Variants in ARIH1 observed in about 807,000 individuals in gnomAD.
ARIH1 encodes E3 ubiquitin-protein ligase ARIH1.
In ARIH1, 8 loss-of-function variants were observed where a neutral mutation model predicts 85.0. That is an observed-to-expected ratio of 0.09 (90% CI 0.06 to 0.17). The LOEUF is 0.17. Among genes scored for constraint, ARIH1 ranks in the 10% least tolerant of loss-of-function variants. The probability of loss-of-function intolerance (pLI) is 1.00; values close to 1 mark genes in which losing one functional copy is unlikely to be tolerated. For synonymous variants in ARIH1, 238 were observed against 253.6 expected (o/e 0.94, Z 0.59); for missense variants, 311 against 718.1 (o/e 0.43, Z 6.48).
intron 3 of ARIH1, among the ~76,000 whole-genome samples, chr15:72,553,135 G>A (rs1454815039): frequency 1.3e-5 from 2 of 151,994 alleles, no homozygotes; most frequent in Non-Finnish European, 2.9e-5. Flanking sequence ...ATTGTTTTTA[G>A]TAATGTCTAT....
rs1043663089 is a variant in ARIH1, at chr15:72,582,568, T to A, written c.1589+381T>A. Among the ~76,000 whole-genome samples the A allele has an allele frequency of 1.3e-5, 2 of 151,600 alleles. No individual in the cohort carries two copies. Among genetic ancestry groups the A allele is most frequent in the African/African-American group, 4.9e-5 (2 of 41,184 alleles). ...ACAAATGAGCTATGGAAACTTACTTTTTAGAGTTTTTATTACATATATATA... is the reference window on the plus strand; with the variant it reads ...ACAAATGAGCTATGGAAACTTACTTATTAGAGTTTTTATTACATATATATA... On this transcript the variant is annotated intron_variant, in intron 13 of 13. Coordinates refer to ENST00000379887, the MANE Select transcript of ARIH1 (RefSeq NM_005744.5). This position sits in a 1 kb window ranked among gnomAD's most constrained non-coding sequence, Gnocchi z 4.6.
intron 2 of ARIH1, among the ~76,000 whole-genome samples, chr15:72,533,621 A>G (rs1379261627): frequency 1.9e-4 from 29 of 152,228 alleles, no homozygotes; most frequent in Non-Finnish European, 8.8e-5. Flanking sequence ...GTGCACATCT[A>G]CATTGAAAGT....
chr15:72,478,285 T>G (rs564572446), intron 1 of ARIH1, among the ~76,000 whole-genome samples: 1 of 151,780 alleles, frequency 6.6e-6, no homozygotes, highest in Non-Finnish European at 1.5e-5. Flanking sequence ...CCAGCTACTT[T>G]TTGTATTTTT....
chr15:72,583,523 C>G lies in ARIH1; in HGVS notation c.*231C>G. On this transcript the variant is annotated 3_prime_UTR_variant, in exon 14 of 14. Coordinates refer to ENST00000379887, the MANE Select transcript of ARIH1 (RefSeq NM_005744.5). ...GCCACCAACAAAAGTGTGACAGACA[C>G]ACTAAAAGCCCTCCAACTTTAACTT... 1 of 405,606 alleles carries G rather than the reference C, an allele frequency of 2.5e-6. No homozygotes were observed. The allele number at this position is 405,606 out of a possible 1,614,324, so 25.1% of individuals were successfully genotyped here. A position where few individuals can be genotyped will look rare whatever the true frequency, so the allele number is the denominator to read the frequency against.
intron 1 of ARIH1, among the ~76,000 whole-genome samples, chr15:72,490,673 G>A (rs770878242): frequency 1.6e-4 from 24 of 151,946 alleles, no homozygotes; most frequent in South Asian, 8.3e-4. Flanking sequence ...ATAGTCTGAG[G>A]AAGCATATCA....
chr15:72,489,915 T>C (rs1269977888), intron 1 of ARIH1, among the ~76,000 whole-genome samples: 1 of 152,222 alleles, frequency 6.6e-6, no homozygotes, highest in Non-Finnish European at 1.5e-5. Flanking sequence ...AAGGGAAATA[T>C]TGATCTTTGT....
chr15:72,530,023 A>G (rs889164779), intron 2 of ARIH1, among the ~76,000 whole-genome samples: 10 of 152,204 alleles, frequency 6.6e-5, no homozygotes, highest in African/African-American at 2.2e-4. Flanking sequence ...CTATCCAGGT[A>G]AAAGGAAAAT....
chr15:72,527,956 G>T (rs934761901), intron 2 of ARIH1, among the ~76,000 whole-genome samples: 3 of 151,980 alleles, frequency 2.0e-5, no homozygotes, highest in African/African-American at 7.3e-5. Flanking sequence ...CCATTTATAG[G>T]TTTTCTTTTC....
chr15:72,565,956 G>A (rs1430891412), intron 7 of ARIH1, among the ~76,000 whole-genome samples: 1 of 152,052 alleles, frequency 6.6e-6, no homozygotes, highest in African/African-American at 2.4e-5. Context: ...TTAAGCATTT[G>A]TGTTTGTTAA....
intron 2 of ARIH1, among the ~76,000 whole-genome samples, chr15:72,540,493 A>G (rs199939562): frequency 1.3e-5 from 2 of 152,304 alleles, no homozygotes; most frequent in East Asian, 3.9e-4. Flanking sequence ...AATGGACCAT[A>G]TAATAAATAC....
At chr15:72,545,945 C>A (rs1183238090) in intron 3 of ARIH1, among the ~76,000 whole-genome samples, 1 of 152,214 alleles carries the variant, frequency 6.6e-6, no homozygotes, top group African/African-American at 2.4e-5. Context: ...ATGATAATTA[C>A]AACTGTCTTG....
chr15:72,555,426 C>T (rs2064170928), intron 4 of ARIH1, 63 bp downstream of exon 4: 1 of 1,129,642 alleles, frequency 8.9e-7, no homozygotes, highest in Non-Finnish European at 1.3e-6. Flanking sequence ...GACCCTTGCA[C>T]AAATTTGCAC....
At chr15:72,554,101 AAT>A (rs1362387697) in intron 3 of ARIH1, among the ~76,000 whole-genome samples, 6 of 152,140 alleles carry the variant, frequency 3.9e-5, no homozygotes, top group African/African-American at 1.2e-4. Flanking sequence ...AATATGGAAA[AAT>A]ATTTTTTTCT....
At position 72,474,635 on chromosome 15, in the gene ARIH1, G is replaced by A. The variant is rs1229132333; in HGVS notation, c.-5G>A. 9 of 1,517,406 alleles carry A rather than the reference G, an allele frequency of 5.9e-6. No homozygotes were observed. In the East Asian group the frequency reaches 2.5e-4, roughly 42 times the overall value. The allele number at this position is 1,517,406 out of a possible 1,614,324, so 94.0% of individuals were successfully genotyped here. ...AGCGTCCGCCGGGCCCCCGCGCGTC[G>A]CGCCATGGACTCGGACGAGGGCTAC... On this transcript the variant is annotated 5_prime_UTR_variant, in exon 1 of 14. Transcript: ENST00000379887.
chr15:72,528,165 G>A (rs964781040), intron 2 of ARIH1, among the ~76,000 whole-genome samples: 1 of 152,122 alleles, frequency 6.6e-6, no homozygotes, highest in African/African-American at 2.4e-5. Flanking sequence ...TGATAGTATG[G>A]TAGTATATAG....
intron 1 of ARIH1, among the ~76,000 whole-genome samples, chr15:72,477,682 A>G (rs1326427347): frequency 1.3e-5 from 2 of 152,138 alleles, no homozygotes; most frequent in East Asian, 3.8e-4. Context: ...ATAATTTCCC[A>G]ATTAACATTT....
At chr15:72,548,347 A>G (rs376488300) in intron 3 of ARIH1, among the ~76,000 whole-genome samples, 1 of 152,210 alleles carries the variant, frequency 6.6e-6, no homozygotes, top group Non-Finnish European at 1.5e-5. Context: ...GGTAAATAGT[A>G]CTAAAAGATT....
chr15:72,521,919 A>G (rs959012254), intron 2 of ARIH1, among the ~76,000 whole-genome samples: 11 of 152,192 alleles, frequency 7.2e-5, no homozygotes, highest in Non-Finnish European at 7.3e-5. Context: ...GGCAAGTGCC[A>G]GTGACTGTAC....
chr15:72,522,738 G>A (rs1028826924), intron 2 of ARIH1, among the ~76,000 whole-genome samples: 10 of 152,066 alleles, frequency 6.6e-5, no homozygotes, highest in African/African-American at 2.4e-4. Context: ...GAAGATATTT[G>A]CAAAAGACAC....
Sources: gnomAD v4.1 joint callset for allele counts (sites outside exome capture counted in the v4.1 genomes callset) on GRCh38, gnomAD v4.1.1 for gene constraint, Gnocchi (gnomAD v3.1) non-coding constraint, MANE v1.5 for transcripts, NCBI Gene and HGNC (gene_info 2026-07-23, HGNC 2026-07-21) for gene names.